The following MEAF6 variants were observed in gnomAD, a reference collection of about 807,000 sequenced individuals.
MEAF6 encodes MYST/Esa1 associated factor 6.
Under a neutral mutation model 28.9 loss-of-function variants are expected in MEAF6, and 15 were observed. That is an observed-to-expected ratio of 0.52 (90% CI 0.35 to 0.80). The LOEUF (loss-of-function observed/expected upper bound fraction) is 0.80, where lower values mean the gene tolerates loss of function less well. MEAF6 is among the 30% of genes least tolerant of loss of function. The pLI is 0.01. For synonymous variants in MEAF6, 97 were observed against 88.7 expected (o/e 1.09, Z -0.53); for missense variants, 178 against 237.5 (o/e 0.75, Z 1.65).
At position 37,492,938 on chromosome 1, in the gene MEAF6, C is replaced by A. The variant is rs931864296; in HGVS notation, c.*1161G>T. The A allele has an allele frequency of 6.6e-6, 1 of 152,202 alleles. No individual in the cohort carries two copies. The highest frequency in any genetic ancestry group is 1.5e-5 in the Non-Finnish European group (1 of 68,034). 9.4% of individuals were successfully genotyped at this position (152,202 alleles called of 1,614,324 possible). A position where few individuals can be genotyped will look rare whatever the true frequency, so the allele number is the denominator to read the frequency against. The stretch of plus-strand genomic sequence containing the variant: ...CCAGTCTCTAGGGATGGGATCCAGG[C>A]ATGAGTATTTTAAAGCTTCTCAGGT... On this transcript the variant is annotated 3_prime_UTR_variant, in exon 7 of 7. Transcript: ENST00000296214.
intron 2 of MEAF6, among the ~76,000 whole-genome samples, chr1:37,512,023 C>T (rs1642686603): frequency 6.6e-6 from 1 of 152,092 alleles, no homozygotes; most frequent in South Asian, 2.1e-4. Context: ...ATTACTGACA[C>T]ATTTAGGTGC....
rs752541835 is a variant in MEAF6 at position 37,501,889 on chromosome 1, C to T, written c.448G>A (p.Val150Met). The T allele has an allele frequency of 1.2e-6, 2 of 1,612,154 alleles. No individual in the cohort carries two copies. Among genetic ancestry groups the T allele is most frequent in the South Asian group, 2.2e-5 (2 of 90,902 alleles). The change falls in exon 5 of 7, where the codon GTG (valine) becomes ATG (methionine). Residue 150 changes from valine (V) to methionine (M), a missense_variant. By Grantham distance (21) the Val-to-Met change is conservative. Transcript: ENST00000296214. Reference protein sequence around the residue: ...PEDLDGSVQGVKPQKAASSTS... With the variant: ...PEDLDGSVQGMKPQKAASSTS... The stretch of plus-strand genomic sequence containing the variant: ...GAAGAAGCAGCCTTCTGAGGTTTCA[C>T]TCCCTGCACAGATCCATCCAGATCC...
At chr1:37,513,571 C>T in intron 1 of MEAF6, 33 bp from the exon 2 acceptor site, 8 of 1,493,986 alleles carry the variant, frequency 5.4e-6, no homozygotes, top group Non-Finnish European at 6.5e-6. Flanking sequence ...ATGAATGATA[C>T]CTTTTAAATG....
intron 2 of MEAF6, among the ~76,000 whole-genome samples, chr1:37,511,070 G>T (rs556938162): frequency 3.9e-5 from 6 of 152,328 alleles, no homozygotes; most frequent in African/African-American, 1.4e-4. Context: ...GAACAGATTA[G>T]TGATATGAAG....
intron 2 of MEAF6, among the ~76,000 whole-genome samples, chr1:37,513,172 T>C (rs4653296): frequency 0.42 from 64,011 of 152,074 alleles, 14,292 homozygotes; most frequent in East Asian, 0.58. Flanking sequence ...TAGAATGCTA[T>C]TGTATAAAGA....
rs35527783 is a variant in MEAF6, at chr1:37,492,560, CAA to C, written c.*1537_*1538del. 8.0e-3 allele frequency: 585 copies of C among 73,068 alleles called. 2 individuals are homozygous for C. The highest frequency in any genetic ancestry group is 0.03 in the African/African-American group (486 of 16,376). The allele number at this position is 73,068 out of a possible 1,614,324, so 4.5% of individuals were successfully genotyped here. A position where few individuals can be genotyped will look rare whatever the true frequency, so the allele number is the denominator to read the frequency against. ...AGTCAAAGATCTAAATAGCCAGAGT[CAA>C]AAAAAAAAAAAAAAAAAAACCCACA... On this transcript the variant is annotated 3_prime_UTR_variant, in exon 7 of 7. Coordinates refer to ENST00000296214, the MANE Select transcript of MEAF6 (RefSeq NM_001270875.3).
At chr1:37,513,830 A>G (rs1450000813) in intron 1 of MEAF6, 4 of 481,944 alleles carry the variant, frequency 8.3e-6, no homozygotes, top group Non-Finnish European at 1.1e-5. Flanking sequence ...TCAAGAGCCC[A>G]GGCTAACGCA....
At chr1:37,497,583 T>TTTA (rs1642164296) in intron 5 of MEAF6, among the ~76,000 whole-genome samples, 1 of 151,172 alleles carries the variant, frequency 6.6e-6, no homozygotes. Context: ...CCCGTATTTA[T>TTTA]TTATTTATTT....
chr1:37,493,458 C>T lies in MEAF6; in HGVS notation c.*641G>A, dbSNP rs1394641311. ...AGATTTAAGATAGGTAATTACTAAA[C>T]ACTCTTTACCTCCCCTTGCAAAAAA... On this transcript the variant is annotated 3_prime_UTR_variant, in exon 7 of 7. Transcript: ENST00000296214. The T allele has an allele frequency of 8.1e-6, 3 of 368,742 alleles. No individual in the cohort carries two copies. Among genetic ancestry groups the T allele is most frequent in the Non-Finnish European group, 1.4e-5 (3 of 207,810 alleles). 22.8% of individuals were successfully genotyped at this position (368,742 alleles called of 1,614,324 possible).
Position 37,491,676 on chromosome 1 carries a change from G to C in MEAF6, c.*2423C>G, listed in dbSNP as rs183992173. Among the ~76,000 whole-genome samples the C allele has an allele frequency of 1.2e-4, 18 of 151,400 alleles. No individual in the cohort carries two copies. The East Asian group carries it at 3.3e-3, about 28-fold the overall frequency. Reference sequence around the variant, plus strand: ...ATCAGGCCGCTGCACTCCAGCCTGGGTGACAGAGCAAGATCCTGTCAATAA... The same window carrying C: ...ATCAGGCCGCTGCACTCCAGCCTGGCTGACAGAGCAAGATCCTGTCAATAA... On this transcript the variant is annotated 3_prime_UTR_variant, in exon 7 of 7. Coordinates refer to ENST00000296214, the MANE Select transcript of MEAF6 (RefSeq NM_001270875.3).
At position 37,514,721 on chromosome 1, in the gene MEAF6, G is replaced by T; in HGVS notation, c.26C>A (p.Pro9Gln). Residue 9 changes from proline to glutamine, a missense_variant, in exon 1 of 7, where the codon CCG becomes CAG. Pro to Gln is a moderately conservative substitution (Grantham distance 76). Coordinates refer to ENST00000296214, the MANE Select transcript of MEAF6 (RefSeq NM_001270875.3). ...CCGCCGGGTGTCCGGGATCTGCGGCGGCGCCGCCTTGTTGTGCATCGCCAT... is the reference window on the plus strand; with the variant it reads ...CCGCCGGGTGTCCGGGATCTGCGGCTGCGCCGCCTTGTTGTGCATCGCCAT... MAMHNKAA[P>Q]PQIPDTRREL... 6.5e-7 allele frequency: 1 copy of T among 1,535,220 alleles called. No individual in the cohort carries two copies. The highest frequency in any genetic ancestry group is 8.7e-7 in the Non-Finnish European group (1 of 1,146,332).
rs796683219 is a variant in MEAF6, at chr1:37,496,067, T to C, written c.534-149A>G. On this transcript the variant is annotated intron_variant, in intron 5 of 6. Transcript: ENST00000296214. Reference sequence around the variant, plus strand: ...CATTAGACTATGTCATATTTAGTTGTTTACCCAGATATTATCAAGCAAGTA... The same window carrying C: ...CATTAGACTATGTCATATTTAGTTGCTTACCCAGATATTATCAAGCAAGTA... 4.7e-5 allele frequency: 32 copies of C among 675,188 alleles called. No homozygotes were observed. In the African/African-American group the frequency reaches 5.6e-4, roughly 12 times the overall value. 41.8% of individuals were successfully genotyped at this position (675,188 alleles called of 1,614,324 possible). A position where few individuals can be genotyped will look rare whatever the true frequency, so the allele number is the denominator to read the frequency against.
intron 2 of MEAF6, among the ~76,000 whole-genome samples, chr1:37,509,847 G>A (rs1279263632): frequency 6.6e-6 from 1 of 152,132 alleles, no homozygotes; most frequent in Admixed American, 6.6e-5. Flanking sequence ...CAGAATCTCA[G>A]CTCATTGCAA....
At chr1:37,502,059 T>C in intron 4 of MEAF6, 63 bp from the exon 5 acceptor site, 1 of 1,401,782 alleles carries the variant, frequency 7.1e-7, no homozygotes. Context: ...AATCTGTCCA[T>C]CAACATGAAC....
intron 5 of MEAF6, among the ~76,000 whole-genome samples, chr1:37,499,098 C>G (rs1045729587): frequency 1.3e-5 from 2 of 152,030 alleles, no homozygotes; most frequent in African/African-American, 4.8e-5. Flanking sequence ...CTGCAATGAC[C>G]CATGATCTCA....
At chr1:37,514,624 C>T (rs1487449992) in intron 1 of MEAF6, 33 bp downstream of exon 1, 6 of 1,465,952 alleles carry the variant, frequency 4.1e-6, no homozygotes, top group Non-Finnish European at 5.4e-6. Context: ...GCGCGGAGCC[C>T]CATGCCGTGC....
chr1:37,510,351 G>C (rs949323420), intron 2 of MEAF6, among the ~76,000 whole-genome samples: 1 of 148,754 alleles, frequency 6.7e-6, no homozygotes, highest in African/African-American at 2.5e-5. Flanking sequence ...AAAGTGCTGG[G>C]ATTACAGGCA....
intron 2 of MEAF6, among the ~76,000 whole-genome samples, chr1:37,511,590 A>G (rs932235388): frequency 3.9e-5 from 6 of 152,240 alleles, no homozygotes; most frequent in Non-Finnish European, 5.9e-5. Context: ...GCAGCAACAA[A>G]TAATAGGACA....
intron 5 of MEAF6, among the ~76,000 whole-genome samples, chr1:37,497,022 C>T (rs188705171): frequency 6.2e-4 from 94 of 152,202 alleles, no homozygotes; most frequent in Non-Finnish European, 1.0e-3. Flanking sequence ...GGAGTTAGAA[C>T]TTTTAAAATA....
Sources: allele counts gnomAD v4.1 joint callset (sites outside exome capture counted in the v4.1 genomes callset), GRCh38; gene constraint gnomAD v4.1.1; transcripts MANE v1.5; gene names NCBI Gene and HGNC (gene_info 2026-07-23, HGNC 2026-07-21).